Variants in DENND1B observed in about 807,000 individuals in gnomAD.
The protein encoded by DENND1B is DENN domain containing 1B.
Under a neutral mutation model 90.1 loss-of-function variants are expected in DENND1B, and 59 were observed. The observed-to-expected ratio is 0.65, with a 90% CI of 0.53 to 0.81. DENND1B has a LOEUF of 0.81. Ranked by LOEUF, DENND1B falls within the 40% of genes least tolerant of loss-of-function variation. The probability of loss-of-function intolerance (pLI) is 0.00; values close to 1 mark genes in which losing one functional copy is unlikely to be tolerated. For missense variants in DENND1B, 862 were observed against 912.6 expected, an observed-to-expected ratio of 0.94 and a Z score of 0.71; for synonymous variants, 337 against 324.6, an observed-to-expected ratio of 1.04 and a Z score of -0.41.
At chr1:197,521,641 G>A (rs1668785530) in intron 20 of DENND1B, among the ~76,000 whole-genome samples, 1 of 151,888 alleles carries the variant, frequency 6.6e-6, no homozygotes, top group Admixed American at 6.6e-5. Context: ...GAAATAATAT[G>A]TGAATAAATT....
chr1:197,772,979 T>C, intron 1 of DENND1B, 47 bp from the exon 2 acceptor site: 1 of 1,415,258 alleles, frequency 7.1e-7, no homozygotes, highest in South Asian at 1.2e-5. Flanking sequence ...AATAAACATC[T>C]CCATGAAACT....
At position 197,595,228 on chromosome 1, in the gene DENND1B, C is replaced by T. The variant is rs977279490; in HGVS notation, c.1027G>A (p.Asp343Asn). ...CTTACAGGTTTGTATCTCAGTGCATCTCTGTAGGATCCAAACAAAGCAGCC... is the reference window on the plus strand; with the variant it reads ...CTTACAGGTTTGTATCTCAGTGCATTTCTGTAGGATCCAAACAAAGCAGCC... ...AQAALFGSYR[D>N]ALRYKPGEPI... The change falls in exon 14 of 23, where the codon GAT becomes AAT. Residue 343 changes from aspartate to asparagine, a missense_variant. Coordinates refer to ENST00000620048, the MANE Select transcript of DENND1B (RefSeq NM_001195215.2). 40 of 1,612,884 alleles carry T rather than the reference C, an allele frequency of 2.5e-5. No individual in the cohort carries two copies. Among genetic ancestry groups the T allele is most frequent in the Non-Finnish European group, 3.3e-5 (39 of 1,179,278 alleles).
chr1:197,735,523 G>T lies in DENND1B; in HGVS notation c.83-20449C>A, dbSNP rs375167732. 627 of 1,609,450 alleles carry T rather than the reference G, an allele frequency of 3.9e-4. 1 individual carries two copies. The highest frequency in any genetic ancestry group is 5.1e-4 in the Non-Finnish European group (596 of 1,177,708). ...TAACAGTTTATGTTTACTTTAGTGTGAACTATGAAACATTCCATTTACAAA... is the reference window on the plus strand; with the variant it reads ...TAACAGTTTATGTTTACTTTAGTGTTAACTATGAAACATTCCATTTACAAA... On this transcript the variant is annotated intron_variant, in intron 2 of 22. Transcript: ENST00000620048.
intron 3 of DENND1B, among the ~76,000 whole-genome samples, chr1:197,707,921 G>T (rs573331916): frequency 6.6e-6 from 1 of 151,558 alleles, no homozygotes; most frequent in Non-Finnish European, 1.5e-5. Context: ...CCTGGGAAGC[G>T]CAAGGGGTCA....
intron 2 of DENND1B, among the ~76,000 whole-genome samples, chr1:197,749,043 T>C (rs888268733): frequency 1.3e-5 from 2 of 151,902 alleles, no homozygotes; most frequent in Admixed American, 6.6e-5. Flanking sequence ...TTGGATACTG[T>C]AGAATAAAAG....
chr1:197,686,297 A>G (rs534220112), intron 3 of DENND1B, among the ~76,000 whole-genome samples: 1 of 152,348 alleles, frequency 6.6e-6, no homozygotes, highest in East Asian at 1.9e-4. Flanking sequence ...AAAATAAAAC[A>G]GGAATGACTA....
intron 2 of DENND1B, among the ~76,000 whole-genome samples, chr1:197,767,223 A>G (rs1317212765): frequency 6.6e-6 from 1 of 152,084 alleles, no homozygotes; most frequent in Admixed American, 6.6e-5. Flanking sequence ...ACATACATTT[A>G]GACACATCAG....
chr1:197,644,757 T>C (rs1680583933), intron 9 of DENND1B, among the ~76,000 whole-genome samples: 1 of 152,230 alleles, frequency 6.6e-6, no homozygotes, highest in African/African-American at 2.4e-5. Context: ...GAAAATTTAC[T>C]ATTGGCTTCT....
rs762326477 is a variant in DENND1B, at chr1:197,511,725, A to G, written c.1815+3T>C. On this transcript the variant is annotated splice_donor_region_variant and intron_variant, in intron 22 of 22. Transcript: ENST00000620048. ...TTTTATAAGTAAAAAAAAATCTACT[A>G]ACCGTAGGTTTGTAATCAATGTCAT... 1.1e-5 allele frequency: 17 copies of G among 1,585,660 alleles called. No individual in the cohort carries two copies. In the South Asian group the frequency reaches 2.0e-4, roughly 19 times the overall value.
At chr1:197,697,965 T>C (rs928208015) in intron 3 of DENND1B, among the ~76,000 whole-genome samples, 15 of 152,002 alleles carry the variant, frequency 9.9e-5, no homozygotes, top group Admixed American at 3.9e-4. Flanking sequence ...CACACAATAA[T>C]AGTGGGAGAC....
chr1:197,776,731 G>A (rs1447441716), upstream of DENND1B, among the ~76,000 whole-genome samples: 1 of 152,056 alleles, frequency 6.6e-6, no homozygotes, highest in South Asian at 2.1e-4. Flanking sequence ...GCCAAAATTG[G>A]GTACTACTTG....
rs562148115 is a variant in DENND1B, at chr1:197,700,274, T to C, written c.126+14757A>G. Among the ~76,000 whole-genome samples, 5 of 152,000 alleles carry C rather than the reference T, an allele frequency of 3.3e-5. No homozygotes were observed. The South Asian group carries it at 8.3e-4, about 25-fold the overall frequency. Reference sequence around the variant, plus strand: ...TGGTACTGGTACCAAAACAAACATATAGACCAATGGAACAGAAAAGAGACC... The same window carrying C: ...TGGTACTGGTACCAAAACAAACATACAGACCAATGGAACAGAAAAGAGACC... On this transcript the variant is annotated intron_variant, in intron 3 of 22. Coordinates refer to ENST00000620048, the MANE Select transcript of DENND1B (RefSeq NM_001195215.2).
In DENND1B at chr1:197,682,719, G is replaced by A. The variant is rs115121398; in HGVS notation, c.127-8550C>T. Among the ~76,000 whole-genome samples the A allele has an allele frequency of 7.2e-3, 1,091 of 152,210 alleles. 22 individuals carry two copies. Among genetic ancestry groups the A allele is most frequent in the African/African-American group, 0.025 (1,022 of 41,534 alleles). On this transcript the variant is annotated intron_variant, in intron 3 of 22. Transcript: ENST00000620048. Reference sequence around the variant, plus strand: ...CCAGGCTACAGCATGAGGAAAGAGCGGTGGAGGGGAAGTAGGGGTGGTCCT... The same window carrying A: ...CCAGGCTACAGCATGAGGAAAGAGCAGTGGAGGGGAAGTAGGGGTGGTCCT...
At chr1:197,758,177 C>T (rs1466217801) in intron 2 of DENND1B, among the ~76,000 whole-genome samples, 1 of 152,194 alleles carries the variant, frequency 6.6e-6, no homozygotes, top group African/African-American at 2.4e-5. Flanking sequence ...GTACTACAAA[C>T]TTATTCTCTG....
intron 15 of DENND1B, among the ~76,000 whole-genome samples, chr1:197,580,839 A>G (rs1674169652): frequency 6.6e-6 from 1 of 152,186 alleles, no homozygotes; most frequent in Non-Finnish European, 1.5e-5. Flanking sequence ...CATCTTGTAA[A>G]GTGAGCACTA....
At chr1:197,574,848 T>C (rs1571933069) in intron 15 of DENND1B, among the ~76,000 whole-genome samples, 1 of 152,308 alleles carries the variant, frequency 6.6e-6, no homozygotes, top group East Asian at 1.9e-4. Context: ...GGGAAAGGAT[T>C]CCCGATTTAA....
At chr1:197,534,326 G>C (rs1669723846) in intron 20 of DENND1B, among the ~76,000 whole-genome samples, 1 of 152,126 alleles carries the variant, frequency 6.6e-6, no homozygotes, top group South Asian at 2.1e-4. Flanking sequence ...GTATTAATGA[G>C]ACTGAGCATT....
At chr1:197,735,996 A>G (rs938333826) in intron 2 of DENND1B, 2 of 1,103,776 alleles carry the variant, frequency 1.8e-6, no homozygotes, top group Non-Finnish European at 2.7e-6. Flanking sequence ...GGCTAAGCAA[A>G]GTATCTAAAA....
At chr1:197,721,369 G>A (rs533621901) in intron 2 of DENND1B, among the ~76,000 whole-genome samples, 9 of 151,950 alleles carry the variant, frequency 5.9e-5, no homozygotes, top group South Asian at 4.2e-4. Context: ...GTGCCTGGCC[G>A]AGAAACTGCA....
Sources: gnomAD v4.1 joint callset for allele counts (sites outside exome capture counted in the v4.1 genomes callset) on GRCh38, gnomAD v4.1.1 for gene constraint, MANE v1.5 for transcripts, NCBI Gene and HGNC (gene_info 2026-07-23, HGNC 2026-07-21) for gene names.